SMURF1: variants seen among roughly 807,000 people sequenced by gnomAD.
SMURF1 encodes SMAD specific E3 ubiquitin protein ligase 1.
A neutral mutation model predicts 98.0 loss-of-function variants in SMURF1; 44 were observed. That is an observed-to-expected ratio of 0.45 (90% confidence interval 0.35 to 0.58). The LOEUF is 0.58. Ranked by LOEUF, SMURF1 falls within the 20% of genes least tolerant of loss-of-function variation. The probability of loss-of-function intolerance (pLI) is 0.00; values close to 1 mark genes in which losing one functional copy is unlikely to be tolerated. For missense variants in SMURF1, 687 were observed against 938.4 expected (o/e 0.73, Z 3.50); for synonymous variants, 396 against 374.9 (o/e 1.06, Z -0.65).
At chr7:99,036,495 AAAC>A (rs1192046955) in intron 15 of SMURF1, 6 of 153,666 alleles carry the variant, frequency 3.9e-5, no homozygotes, top group Non-Finnish European at 8.6e-5. Context: ...AAAAAAAAAA[AAAC>A]CACAAAAGTT....
intron 1 of SMURF1, among the ~76,000 whole-genome samples, chr7:99,112,341 T>C (rs1797343638): frequency 6.6e-6 from 1 of 152,226 alleles, no homozygotes; most frequent in Non-Finnish European, 1.5e-5. Context: ...TCTGTTGTTG[T>C]TGTTGTCATT....
At position 99,047,854 on chromosome 7, in the gene SMURF1, G is replaced by A. The variant is rs1300730857; in HGVS notation, c.982C>T (p.Gln328Ter). The A allele has an allele frequency of 6.2e-7, 1 of 1,614,128 alleles. No homozygotes were observed. Among genetic ancestry groups the A allele is most frequent in the Admixed American group, 1.7e-5 (1 of 60,032 alleles). The change falls in exon 10 of 18, where the codon CAG (glutamine) becomes TAG (stop). Residue 328 changes from glutamine to a stop codon, truncating the protein, a stop_gained. Coordinates refer to ENST00000361368, the MANE Select transcript of SMURF1 (RefSeq NM_181349.3). LOFTEE classifies it high-confidence loss of function. The part of the protein sequence containing the change: ...NHQCQLKEPS[Q>*]PLPLPSEGSL... ...CCCTCACTGGGCAGTGGCAGCGGCT[G>A]GCTGGGCTCCTTGAGTTGGCACTGG...
intron 11 of SMURF1, among the ~76,000 whole-genome samples, chr7:99,042,813 G>C (rs1227646179): frequency 6.6e-6 from 1 of 152,198 alleles, no homozygotes; most frequent in Admixed American, 6.5e-5. Context: ...TAAGATAGCA[G>C]CTCCAAATTT....
At position 99,042,255 on chromosome 7, in the gene SMURF1, C is replaced by T. The variant is rs761355164; in HGVS notation, c.1257-23G>A. On this transcript the variant is annotated intron_variant, in intron 11 of 17. Coordinates refer to ENST00000361368, the MANE Select transcript of SMURF1 (RefSeq NM_181349.3). ...TCCCTGGGAGCAAACAACAAAAATG[C>T]ATTTGAGACGCGCTAAAATTTCTAC... 2.4e-5 allele frequency: 36 copies of T among 1,508,258 alleles called. No homozygotes were observed. The South Asian group carries it at 4.3e-4, about 18-fold the overall frequency. 93.4% of individuals were successfully genotyped at this position (1,508,258 alleles called of 1,614,324 possible). A position where few individuals can be genotyped will look rare whatever the true frequency, so the allele number is the denominator to read the frequency against.
intron 14 of SMURF1, 37 bp downstream of exon 14, chr7:99,038,351 C>T: frequency 6.2e-7 from 1 of 1,608,876 alleles, no homozygotes; most frequent in South Asian, 1.1e-5. Flanking sequence ...CTCAGCCGCG[C>T]CCCAGGCACC....
intron 16 of SMURF1, among the ~76,000 whole-genome samples, chr7:99,033,588 C>T (rs562590776): frequency 3.3e-5 from 5 of 152,306 alleles, no homozygotes; most frequent in African/African-American, 1.2e-4. Flanking sequence ...GGATTACAGG[C>T]GTGAGCCACC....
At chr7:99,112,580 C>T (rs1563033868) in intron 1 of SMURF1, among the ~76,000 whole-genome samples, 2 of 151,938 alleles carry the variant, frequency 1.3e-5, no homozygotes, top group East Asian at 3.8e-4. Flanking sequence ...CAGTTTGGAA[C>T]AAAAAAATTA....
At position 99,143,824 on chromosome 7, in the gene SMURF1, C is replaced by CCCCAGCCCGG. The variant is rs1450535540; in HGVS notation, c.-54_-45dup. 5.2e-5 allele frequency: 78 copies of CCCCAGCCCGG among 1,506,486 alleles called. No individual in the cohort carries two copies. The highest frequency in any genetic ancestry group is 6.7e-5 in the Non-Finnish European group (75 of 1,127,594). 93.3% of individuals were successfully genotyped at this position (1,506,486 alleles called of 1,614,324 possible). A position where few individuals can be genotyped will look rare whatever the true frequency, so the allele number is the denominator to read the frequency against. ...CAGCCGCGGATCCAGCGCCACCGCC[C>CCCCAGCCCGG]CCCAGCCCGGCCCGGCCCGGCCCCG... On this transcript the variant is annotated 5_prime_UTR_variant, in exon 1 of 18. Coordinates refer to ENST00000361368, the MANE Select transcript of SMURF1 (RefSeq NM_181349.3).
At chr7:99,040,623 G>A in intron 12 of SMURF1, 67 bp from the exon 13 acceptor site, 1 of 1,335,890 alleles carries the variant, frequency 7.5e-7, no homozygotes, top group Non-Finnish European at 9.7e-7. Context: ...ATCTCGTGCT[G>A]TCCCCAAGCT....
At chr7:99,042,554 C>T (rs1474059973) in intron 11 of SMURF1, among the ~76,000 whole-genome samples, 1 of 152,210 alleles carries the variant, frequency 6.6e-6, no homozygotes, top group Non-Finnish European at 1.5e-5. Context: ...GGATTACAGG[C>T]GTGAGCCACC....
chr7:99,143,873 C>T lies in SMURF1; in HGVS notation c.-93G>A. ...CGCCGCCGCCGCCTCAAGGTTACGG[C>T]TCCGGGCTGGGCGCCGGGGTCCGAG... On this transcript the variant is annotated 5_prime_UTR_variant, in exon 1 of 18. Transcript: ENST00000361368. The T allele has an allele frequency of 8.1e-7, 1 of 1,227,418 alleles. No homozygotes were observed. The highest frequency in any genetic ancestry group is 1.1e-6 in the Non-Finnish European group (1 of 932,912). 76.0% of individuals were successfully genotyped at this position (1,227,418 alleles called of 1,614,324 possible).
intron 9 of SMURF1, chr7:99,048,874 C>G (rs144579471): frequency 6.6e-6 from 1 of 152,264 alleles, no homozygotes; most frequent in Non-Finnish European, 1.5e-5. Flanking sequence ...GCGGATCACC[C>G]GCAGTCAGGA....
chr7:99,108,790 A>G (rs974895426), intron 1 of SMURF1, among the ~76,000 whole-genome samples: 20 of 152,086 alleles, frequency 1.3e-4, no homozygotes, highest in African/African-American at 4.8e-4. Context: ...AAGTTTAGTA[A>G]GAAGGCTCTT....
At chr7:99,037,295 T>C (rs1584444436) in intron 14 of SMURF1, 108 bp from the exon 15 acceptor site, 2 of 1,404,142 alleles carry the variant, frequency 1.4e-6, no homozygotes, top group Non-Finnish European at 2.0e-6. Context: ...TGGAGTGCAA[T>C]GGCTCAATCT....
At chr7:99,045,218 C>T (rs947981963) in intron 11 of SMURF1, among the ~76,000 whole-genome samples, 5 of 152,098 alleles carry the variant, frequency 3.3e-5, no homozygotes, top group Non-Finnish European at 7.4e-5. Context: ...TCATTCTATT[C>T]TGTTTTTTAA....
intron 1 of SMURF1, among the ~76,000 whole-genome samples, chr7:99,079,225 A>AC (rs1233034102): frequency 6.6e-6 from 1 of 152,160 alleles, no homozygotes; most frequent in Non-Finnish European, 1.5e-5. Context: ...GGCCATGCCC[A>AC]CCCCCCAGTG....
chr7:99,110,954 T>G (rs1797305803), intron 1 of SMURF1, among the ~76,000 whole-genome samples: 1 of 152,212 alleles, frequency 6.6e-6, no homozygotes, highest in African/African-American at 2.4e-5. Flanking sequence ...CCGCCTTTTG[T>G]GTAAAAAGGG....
chr7:99,080,737 G>A (rs535185747), intron 1 of SMURF1, among the ~76,000 whole-genome samples: 4 of 152,308 alleles, frequency 2.6e-5, no homozygotes, highest in Admixed American at 2.0e-4. Context: ...GACCGACACT[G>A]AAACCAGGAA....
At position 99,051,455 on chromosome 7, in the gene SMURF1, T is replaced by TA; in HGVS notation, c.722-15dup. On this transcript the variant is annotated splice_polypyrimidine_tract_variant and intron_variant, in intron 7 of 17. Transcript: ENST00000361368. The stretch of plus-strand genomic sequence containing the variant: ...TTGTTCTTTGTTCTACACAAGAAAT[T>TA]AGAGATCCAAATGAGACAAGTTCAA... 1 of 1,605,514 alleles carries TA rather than the reference T, an allele frequency of 6.2e-7. No individual in the cohort carries two copies. Among genetic ancestry groups the TA allele is most frequent in the Non-Finnish European group, 8.5e-7 (1 of 1,172,216 alleles).
Sources: gnomAD v4.1 joint callset for allele counts (sites outside exome capture counted in the v4.1 genomes callset) on GRCh38, gnomAD v4.1.1 for gene constraint, MANE v1.5 for transcripts, NCBI Gene and HGNC (gene_info 2026-07-23, HGNC 2026-07-21) for gene names.